Variants in CTNNA2 observed in about 807,000 individuals in gnomAD.
CTNNA2 encodes the protein catenin alpha-2.
CTNNA2 carries 42 observed loss-of-function variants against 101.0 expected under a neutral mutation model. The ratio of observed to expected loss-of-function variants is 0.42; its 90% CI spans 0.32 to 0.54. CTNNA2 has a LOEUF of 0.54. Ranked by LOEUF, CTNNA2 falls within the 20% of genes least tolerant of loss-of-function variation. The pLI is 0.14. For synonymous variants in CTNNA2, 450 were observed against 456.4 expected, an observed-to-expected ratio of 0.99 and a Z score of 0.18; for missense variants, 871 against 1,223.1, an observed-to-expected ratio of 0.71 and a Z score of 4.29.
rs899624607 is a variant in CTNNA2, at chr2:80,313,614, A to G, written c.1057-79597A>G. 1.9e-6 allele frequency: 3 copies of G among 1,611,256 alleles called. No homozygotes were observed. The African/African-American group carries it at 4.0e-5, about 22-fold the overall frequency. On this transcript the variant is annotated intron_variant, in intron 7 of 18. Transcript: ENST00000402739. ...TCAGTAGGCAAAGTCTGTGAAAAAA[A>G]TATGAAGACTTCTGAGATGCATACC...
chr2:79,504,438 T>A (rs4337495), intron 4 of CTNNA2, among the ~76,000 whole-genome samples: 1 of 151,810 alleles, frequency 6.6e-6, no homozygotes, highest in South Asian at 2.1e-4. Flanking sequence ...TACAGGCACA[T>A]GCTACCACAC....
intron 9 of CTNNA2, among the ~76,000 whole-genome samples, chr2:80,444,500 A>T (rs1275514485): frequency 6.6e-6 from 1 of 152,128 alleles, no homozygotes; most frequent in African/African-American, 2.4e-5. Context: ...AGGCCAGATA[A>T]CCCTTTCTCC....
At chr2:79,309,382 C>T (rs1573062307) in intron 2 of CTNNA2, among the ~76,000 whole-genome samples, 1 of 152,068 alleles carries the variant, frequency 6.6e-6, no homozygotes, top group African/African-American at 2.4e-5. Context: ...GGCTTTATTA[C>T]AATTCTAGAA....
At chr2:80,377,940 A>G (rs755709627) in intron 7 of CTNNA2, among the ~76,000 whole-genome samples, 51 of 152,200 alleles carry the variant, frequency 3.4e-4, no homozygotes, top group Non-Finnish European at 6.3e-4. Flanking sequence ...TAATGTCACT[A>G]CAAGACTTTA....
intron 4 of CTNNA2, among the ~76,000 whole-genome samples, chr2:79,471,324 A>G (rs1670996202): frequency 6.6e-6 from 1 of 152,140 alleles, no homozygotes; most frequent in Non-Finnish European, 1.5e-5. Context: ...ACAGAATTTT[A>G]TTTCTCACAG....
chr2:79,547,932 A>ATGATGTTAATGTAG (rs1257637078), intron 1 of CTNNA2: 1 of 152,246 alleles, frequency 6.6e-6, no homozygotes, highest in Non-Finnish European at 1.5e-5. Context: ...TGTGAGTTAC[A>ATGATGTTAATGTAG]TGATGTTAAT....
intron 2 of CTNNA2, among the ~76,000 whole-genome samples, chr2:79,740,706 A>T (rs772649191): frequency 1.3e-5 from 2 of 152,242 alleles, no homozygotes; most frequent in Non-Finnish European, 2.9e-5. Flanking sequence ...GTCGTTTAGC[A>T]GCCTCTCATT....
At chr2:80,031,669 A>T (rs909631709) in intron 7 of CTNNA2, among the ~76,000 whole-genome samples, 2 of 152,180 alleles carry the variant, frequency 1.3e-5, no homozygotes, top group Non-Finnish European at 2.9e-5. Flanking sequence ...AAGAAGGGAA[A>T]TTTTCACCTT....
At chr2:80,482,895 C>A (rs1686258451) in intron 9 of CTNNA2, among the ~76,000 whole-genome samples, 1 of 152,170 alleles carries the variant, frequency 6.6e-6, no homozygotes, top group African/African-American at 2.4e-5. Flanking sequence ...CTCACCATTC[C>A]CTGGTGCCTT....
intron 1 of CTNNA2, among the ~76,000 whole-genome samples, chr2:79,575,295 G>A (rs1241461064): frequency 1.3e-5 from 2 of 152,122 alleles, no homozygotes; most frequent in Non-Finnish European, 2.9e-5. Context: ...CATTCTCATA[G>A]CAGAAAGATG....
chr2:79,500,553 T>C (rs537761977), intron 4 of CTNNA2: 20 of 152,310 alleles, frequency 1.3e-4, no homozygotes, highest in African/African-American at 4.8e-4. Context: ...GGCTACAGTG[T>C]GTATTTTTCT....
intron 12 of CTNNA2, among the ~76,000 whole-genome samples, chr2:80,568,794 T>G (rs10181877): frequency 6.6e-6 from 1 of 152,070 alleles, no homozygotes; most frequent in African/African-American, 2.4e-5. Context: ...TTGCTGTGGG[T>G]CCATTTCATA....
intron 3 of CTNNA2, among the ~76,000 whole-genome samples, chr2:79,348,217 TTC>T (rs1396456721): frequency 6.6e-6 from 1 of 152,180 alleles, no homozygotes; most frequent in Non-Finnish European, 1.5e-5. Flanking sequence ...GACTATATTG[TTC>T]TATTGGCATC....
At chr2:79,980,990 C>T (rs1691225647) in intron 7 of CTNNA2, among the ~76,000 whole-genome samples, 1 of 151,830 alleles carries the variant, frequency 6.6e-6, no homozygotes, top group Non-Finnish European at 1.5e-5. Flanking sequence ...CACTTGTTTT[C>T]ACTAGGCTTT....
At chr2:79,735,647 T>A (rs867764264) in intron 2 of CTNNA2, among the ~76,000 whole-genome samples, 3 of 152,316 alleles carry the variant, frequency 2.0e-5, no homozygotes, top group Middle Eastern at 3.4e-3. Context: ...TGAGGGTACG[T>A]CTACAATAAT....
At chr2:79,287,911 G>A (rs536132831) in intron 2 of CTNNA2, among the ~76,000 whole-genome samples, 4 of 152,236 alleles carry the variant, frequency 2.6e-5, no homozygotes, top group East Asian at 1.9e-4. Context: ...CTCCACGGGC[G>A]TCGGACCCTC....
intron 7 of CTNNA2, among the ~76,000 whole-genome samples, chr2:80,281,363 A>T (rs1674364537): frequency 6.6e-6 from 1 of 152,128 alleles, no homozygotes; most frequent in Admixed American, 6.5e-5. Context: ...CTGAGGGTTT[A>T]ATCTGGGATG....
chr2:80,475,299 AT>A (rs1043449187), intron 9 of CTNNA2, among the ~76,000 whole-genome samples: 3 of 152,186 alleles, frequency 2.0e-5, no homozygotes, highest in East Asian at 1.9e-4. Flanking sequence ...ATATTTTGGC[AT>A]TTTTTCCCCT....
At chr2:79,258,727 CA>C (rs557374004) in intron 2 of CTNNA2, among the ~76,000 whole-genome samples, 75 of 150,768 alleles carry the variant, frequency 5.0e-4, no homozygotes, top group African/African-American at 1.7e-3. Flanking sequence ...GCTTTTGAAA[CA>C]AAGGCCAATA....
Sources: allele counts gnomAD v4.1 joint callset (sites outside exome capture counted in the v4.1 genomes callset), GRCh38; gene constraint gnomAD v4.1.1; transcripts MANE v1.5; gene names NCBI Gene and HGNC (gene_info 2026-07-23, HGNC 2026-07-21).